The following CACNA1S variants were observed in gnomAD, a reference collection of about 807,000 sequenced individuals.
CACNA1S encodes voltage-dependent L-type calcium channel subunit alpha-1S.
Under a neutral mutation model 207.4 loss-of-function variants are expected in CACNA1S, and 126 were observed. That is an observed-to-expected ratio of 0.61 (90% CI 0.53 to 0.70). The LOEUF (loss-of-function observed/expected upper bound fraction) is 0.70, where lower values mean the gene tolerates loss of function less well. CACNA1S is among the 30% of genes least tolerant of loss of function. The pLI, the probability that CACNA1S is intolerant of heterozygous loss-of-function variation, is 0.00. For synonymous variants in CACNA1S, 960 were observed against 932.7 expected, an observed-to-expected ratio of 1.03 and a Z score of -0.53; for missense variants, 2,349 against 2,422.8, an observed-to-expected ratio of 0.97 and a Z score of 0.64.
At chr1:201,083,622 C>T (rs1661922917) in intron 9 of CACNA1S, among the ~76,000 whole-genome samples, 1 of 152,168 alleles carries the variant, frequency 6.6e-6, no homozygotes. Flanking sequence ...TTAGTTAAAG[C>T]AACTCTGAGA....
intron 13 of CACNA1S, among the ~76,000 whole-genome samples, chr1:201,074,965 C>T (rs1173104140): frequency 6.6e-6 from 1 of 152,172 alleles, no homozygotes; most frequent in East Asian, 1.9e-4. Context: ...CTCCCCACTC[C>T]CCATAGTATC....
In CACNA1S at chr1:201,069,534, G is replaced by A. The variant is rs1413522770; in HGVS notation, c.2428C>T (p.Leu810=). ...WFTNFILLFI[L]LSSAALAAED... ...GCAGCCAGTGCAGCGCTGCTGAGCA[G>A]GATGAAGAGCAGGATGAAGTTGGTA... Residue 810 remains leucine, a synonymous_variant, in exon 18 of 44, where the codon CTG becomes TTG. Transcript: ENST00000362061. 1 of 1,587,628 alleles carries A rather than the reference G, an allele frequency of 6.3e-7. No individual in the cohort carries two copies. Among genetic ancestry groups the A allele is most frequent in the Non-Finnish European group, 8.6e-7 (1 of 1,168,288 alleles).
At chr1:201,080,121 A>C (rs1025936739) in intron 10 of CACNA1S, among the ~76,000 whole-genome samples, 1 of 152,018 alleles carries the variant, frequency 6.6e-6, no homozygotes, top group Non-Finnish European at 1.5e-5. Flanking sequence ...GCTTCAGACC[A>C]TCCCCTCCAA....
chr1:201,066,340 G>A lies in CACNA1S; in HGVS notation c.2658-24C>T, dbSNP rs1357857564. Reference sequence around the variant, plus strand: ...ACCTGGGGGGCGGCAATGGTGAGGGGGCTGAGGGCAGCCTGCTCCAGCCAG... The same window carrying A: ...ACCTGGGGGGCGGCAATGGTGAGGGAGCTGAGGGCAGCCTGCTCCAGCCAG... On this transcript the variant is annotated intron_variant, in intron 20 of 43. Coordinates refer to ENST00000362061, the MANE Select transcript of CACNA1S (RefSeq NM_000069.3). This position sits in a 1 kb window ranked among gnomAD's most constrained non-coding sequence, Gnocchi z 4.3. The A allele has an allele frequency of 1.3e-6, 2 of 1,597,566 alleles. No individual in the cohort carries two copies. Among genetic ancestry groups the A allele is most frequent in the Non-Finnish European group, 8.5e-7 (1 of 1,172,286 alleles).
intron 2 of CACNA1S, 66 bp downstream of exon 2, chr1:201,110,098 C>A: frequency 2.1e-6 from 3 of 1,430,938 alleles, no homozygotes; most frequent in Non-Finnish European, 3.0e-6. Flanking sequence ...CAGAGTCCAC[C>A]AAGGGGGCCT....
intron 28 of CACNA1S, among the ~76,000 whole-genome samples, chr1:201,056,066 G>GACACACACACAC (rs1350288817): frequency 2.5e-4 from 17 of 68,294 alleles, no homozygotes; most frequent in South Asian, 8.6e-4. Context: ...CAGACAGACA[G>GACACACACACAC]ACAGACACAC....
chr1:201,081,640 G>A lies in CACNA1S; in HGVS notation c.1393+1522C>T, dbSNP rs184140138. Among the ~76,000 whole-genome samples the A allele has an allele frequency of 7.4e-4, 112 of 152,308 alleles. 1 individual carries two copies. Among genetic ancestry groups the A allele is most frequent in the African/African-American group, 2.4e-3 (99 of 41,562 alleles). On this transcript the variant is annotated intron_variant, in intron 10 of 43. Coordinates refer to ENST00000362061, the MANE Select transcript of CACNA1S (RefSeq NM_000069.3). ...TTATTCACATATAAGGCCTGATATC[G>A]TTTGGATAGACAGCCCTGCCCAAAT...
At chr1:201,089,503 T>G in intron 5 of CACNA1S, 40 bp from the exon 6 acceptor site, 1 of 1,592,764 alleles carries the variant, frequency 6.3e-7, no homozygotes, top group South Asian at 1.1e-5. Flanking sequence ...ACAACAGTAG[T>G]AGGTGGACAA....
intron 6 of CACNA1S, among the ~76,000 whole-genome samples, chr1:201,088,624 G>C (rs1662116373): frequency 6.6e-6 from 1 of 152,130 alleles, no homozygotes; most frequent in South Asian, 2.1e-4. Flanking sequence ...TTAACCATGG[G>C]CAAGTTACTT....
chr1:201,103,164 T>C (rs1027177398), intron 2 of CACNA1S, among the ~76,000 whole-genome samples: 1 of 150,790 alleles, frequency 6.6e-6, no homozygotes, highest in Non-Finnish European at 1.5e-5. Context: ...GAGAATTGCT[T>C]GAACCTGGGA....
At position 201,075,460 on chromosome 1, in the gene CACNA1S, A is replaced by G. The variant is rs1428423739; in HGVS notation, c.1948+35T>C. 4 of 1,574,376 alleles carry G rather than the reference A, an allele frequency of 2.5e-6. No individual in the cohort carries two copies. In the African/African-American group the frequency reaches 5.7e-5, roughly 22 times the overall value. On this transcript the variant is annotated intron_variant, in intron 13 of 43. Transcript: ENST00000362061. ...AAGCCCTTTCCCCCACCCCCTCCCT[A>G]AGCTCTTTTCTGCACCCTGCTCCCG...
At chr1:201,083,034 A>C in intron 10 of CACNA1S, 128 bp downstream of exon 10, 2 of 1,017,464 alleles carry the variant, frequency 2.0e-6, no homozygotes, top group Non-Finnish European at 3.0e-6. Flanking sequence ...ATGGTCCATA[A>C]TTTTTAGAAA....
chr1:201,057,179 T>C (rs572293801), intron 28 of CACNA1S, among the ~76,000 whole-genome samples: 46 of 152,368 alleles, frequency 3.0e-4, no homozygotes, highest in African/African-American at 1.0e-3. Flanking sequence ...CTAGATGATC[T>C]GGCCCCTGCC....
Position 201,112,343 on chromosome 1 carries a change from T to C in CACNA1S, c.-4A>G, listed in dbSNP as rs200408018. ...CCTGGGGTGAGGATGGCTCCATGGC[T>C]TCCCTGGGAATCTGGCTTTCTCCTG... On this transcript the variant is annotated 5_prime_UTR_variant, in exon 1 of 44. Transcript: ENST00000362061. 3.9e-4 allele frequency: 622 copies of C among 1,612,904 alleles called. 1 individual carries two copies. The highest frequency in any genetic ancestry group is 5.1e-4 in the South Asian group (46 of 91,052).
At chr1:201,088,042 G>A (rs1662097079) in intron 6 of CACNA1S, 113 bp from the exon 7 acceptor site, 1 of 739,236 alleles carries the variant, frequency 1.4e-6, no homozygotes, top group African/African-American at 1.7e-5. Context: ...GCCACGCTGG[G>A]ATATTGAGGG....
In CACNA1S at chr1:201,075,611, A is replaced by G. The variant is rs767348966; in HGVS notation, c.1832T>C (p.Leu611Pro). ...PQALISVFQV[L>P]TGEDWTSMMY... Reference sequence around the variant, plus strand: ...CATTGAGGTCCAGTCTTCCCCTGTCAGTACCTGTATGGAGGGAGGATAGAG... The same window carrying G: ...CATTGAGGTCCAGTCTTCCCCTGTCGGTACCTGTATGGAGGGAGGATAGAG... Residue 611 changes from leucine (L) to proline (P), a missense_variant, in exon 13 of 44, where the codon CTG (leucine) becomes CCG (proline). Physicochemically the swap from Leu to Pro is moderately conservative, Grantham distance 98. Transcript: ENST00000362061. The G allele has an allele frequency of 6.2e-7, 1 of 1,614,128 alleles. No homozygotes were observed. The highest frequency in any genetic ancestry group is 8.5e-7 in the Non-Finnish European group (1 of 1,179,956).
At chr1:201,042,964 T>TAA in intron 40 of CACNA1S, 1 of 367,272 alleles carries the variant, frequency 2.7e-6, no homozygotes, top group Non-Finnish European at 5.2e-6. Flanking sequence ...TGGTATGTGC[T>TAA]ACCACCGAAG....
chr1:201,040,536 C>A, intron 42 of CACNA1S, 86 bp downstream of exon 42: 1 of 1,437,676 alleles, frequency 7.0e-7, no homozygotes, highest in Non-Finnish European at 9.8e-7. Flanking sequence ...GCTGCCACAG[C>A]CTTCCCCTGC....
rs181613130 is a variant in CACNA1S, at chr1:201,093,470, G to A, written c.398+412C>T. Reference sequence around the variant, plus strand: ...ATGGCAGCCCTAGCAAACTAATACAGGTTAATAAATGTCCGTTTTTGTGAA... The same window carrying A: ...ATGGCAGCCCTAGCAAACTAATACAAGTTAATAAATGTCCGTTTTTGTGAA... On this transcript the variant is annotated intron_variant, in intron 3 of 43. Transcript: ENST00000362061. Among the ~76,000 whole-genome samples, 285 of 152,304 alleles carry A rather than the reference G, an allele frequency of 1.9e-3. 5 individuals carry two copies. Among genetic ancestry groups the A allele is most frequent in the Admixed American group, 0.016 (244 of 15,286 alleles).
Sources: gnomAD v4.1 joint callset for allele counts (sites outside exome capture counted in the v4.1 genomes callset) on GRCh38, gnomAD v4.1.1 for gene constraint, Gnocchi (gnomAD v3.1) non-coding constraint, MANE v1.5 for transcripts, NCBI Gene and HGNC (gene_info 2026-07-23, HGNC 2026-07-21) for gene names.